The following ATXN7 variants were observed in gnomAD, a reference collection of about 807,000 sequenced individuals.
ATXN7 encodes the protein ataxin-7.
Under a neutral mutation model 70.5 loss-of-function variants are expected in ATXN7, and 12 were observed. The ratio of observed to expected loss-of-function variants is 0.17; its 90% confidence interval spans 0.11 to 0.28. The LOEUF (loss-of-function observed/expected upper bound fraction) is 0.28. ATXN7 is among the 10% of genes least tolerant of loss of function. The pLI, the probability that ATXN7 is intolerant of heterozygous loss-of-function variation, is 1.00. For synonymous variants in ATXN7, 498 were observed against 448.7 expected (o/e 1.11, Z -1.39); for missense variants, 1,256 against 1,131.7 (o/e 1.11, Z -1.58).
intron 6 of ATXN7, among the ~76,000 whole-genome samples, chr3:63,981,365 G>A (rs1388555226): frequency 6.6e-6 from 1 of 152,212 alleles, no homozygotes; most frequent in Non-Finnish European, 1.5e-5. Flanking sequence ...TAAGTCACTG[G>A]CCAGCTTAAC....
At chr3:63,884,333 G>T (rs1180684506) in intron 1 of ATXN7, among the ~76,000 whole-genome samples, 1 of 151,796 alleles carries the variant, frequency 6.6e-6, no homozygotes, top group Non-Finnish European at 1.5e-5. Flanking sequence ...AACTGAAAGA[G>T]CTCCCAAAGG....
At chr3:63,921,226 C>G (rs952921529) in intron 4 of ATXN7, among the ~76,000 whole-genome samples, 6 of 152,140 alleles carry the variant, frequency 3.9e-5, no homozygotes, top group South Asian at 2.1e-4. Context: ...AGCACTAGTT[C>G]ATTATCAATT....
chr3:63,970,066 T>C lies in ATXN7; in HGVS notation c.500-9849T>C, dbSNP rs369107873. Among the ~76,000 whole-genome samples, 10 of 152,318 alleles carry C rather than the reference T, an allele frequency of 6.6e-5. 1 individual carries two copies. The South Asian group carries it at 2.1e-3, about 32-fold the overall frequency. ...TGGGTAACACCGTGCTCTCTGAGGA[T>C]AGCAGAGAGAAGTCCTTATGGCTGT... On this transcript the variant is annotated intron_variant, in intron 5 of 12. Transcript: ENST00000674280.
At chr3:63,997,984 A>C in intron 12 of ATXN7, 1 of 985,294 alleles carries the variant, frequency 1.0e-6, no homozygotes, top group Non-Finnish European at 1.2e-6. Context: ...GTTTGTAGTT[A>C]CTCATTACAG....
chr3:64,001,334 G>C lies in ATXN7; in HGVS notation c.*1867G>C, dbSNP rs2075831075. The C allele has an allele frequency of 6.6e-6, 1 of 152,164 alleles. No homozygotes were observed. The highest frequency in any genetic ancestry group is 2.4e-5 in the African/African-American group (1 of 41,446). 9.4% of individuals were successfully genotyped at this position (152,164 alleles called of 1,614,324 possible). A position where few individuals can be genotyped will look rare whatever the true frequency, so the allele number is the denominator to read the frequency against. On this transcript the variant is annotated 3_prime_UTR_variant, in exon 13 of 13. Transcript: ENST00000674280. ...GGAGAGCTTAGTAAGGAGAGGGCAT[G>C]GATGGGCCAGTTTGGCATAGTTGGG...
rs148863609 is a variant in ATXN7, at chr3:64,002,703, G to T, written c.*3236G>T. Reference sequence around the variant, plus strand: ...ATATTGTTTCTAAAATTTTAGGGGCGGAGTTGAAAACCACCAATGCTGGTA... The same window carrying T: ...ATATTGTTTCTAAAATTTTAGGGGCTGAGTTGAAAACCACCAATGCTGGTA... On this transcript the variant is annotated 3_prime_UTR_variant, in exon 13 of 13. Transcript: ENST00000674280. The T allele has an allele frequency of 6.6e-6, 1 of 152,050 alleles. No homozygotes were observed. The highest frequency in any genetic ancestry group is 2.4e-5 in the African/African-American group (1 of 41,372). The allele number at this position is 152,050 out of a possible 1,614,324, so 9.4% of individuals were successfully genotyped here.
intron 4 of ATXN7, among the ~76,000 whole-genome samples, chr3:63,943,300 G>T (rs2074801126): frequency 6.6e-6 from 1 of 152,322 alleles, no homozygotes; most frequent in Middle Eastern, 3.4e-3. Context: ...TGAGGTTGCC[G>T]ATGTTAGGCA....
chr3:63,886,409 C>A (rs1210400745), intron 1 of ATXN7, among the ~76,000 whole-genome samples: 2 of 151,970 alleles, frequency 1.3e-5, no homozygotes, highest in East Asian at 3.9e-4. Flanking sequence ...TGTTCTCACC[C>A]CCCAAAAGAT....
intron 1 of ATXN7, among the ~76,000 whole-genome samples, chr3:63,875,999 T>A (rs140394911): frequency 1.3e-5 from 2 of 152,336 alleles, no homozygotes; most frequent in African/African-American, 4.8e-5. Context: ...AGTTTTAAAG[T>A]TGTCTTTTTC....
At chr3:63,885,097 A>G (rs192859797) in intron 1 of ATXN7, among the ~76,000 whole-genome samples, 55 of 152,308 alleles carry the variant, frequency 3.6e-4, no homozygotes, top group Admixed American at 9.2e-4. Flanking sequence ...AGCACAGGTA[A>G]CCAAAAAATA....
intron 11 of ATXN7, among the ~76,000 whole-genome samples, chr3:63,992,715 G>A (rs182154363): frequency 1.1e-4 from 17 of 152,198 alleles, no homozygotes; most frequent in Admixed American, 2.6e-4. Flanking sequence ...ACTTGCTTCC[G>A]GGGAGAAGGA....
At position 63,993,319 on chromosome 3, in the gene ATXN7, A is replaced by G. The variant is rs149307150; in HGVS notation, c.1683-2186A>G. Among the ~76,000 whole-genome samples the G allele has an allele frequency of 2.8e-3, 401 of 144,550 alleles. 1 individual carries two copies. Among genetic ancestry groups the G allele is most frequent in the African/African-American group, 1.0e-2 (383 of 38,406 alleles). The allele number at this position is 144,550 out of a possible 152,430, so 94.8% of individuals were successfully genotyped here. A position where few individuals can be genotyped will look rare whatever the true frequency, so the allele number is the denominator to read the frequency against. ...TTTTACTTTTTGAAATGGTAATACA[A>G]TCACTGGGCTTAAAAAAGGAAAACC... On this transcript the variant is annotated intron_variant, in intron 11 of 12. Transcript: ENST00000674280.
At chr3:63,889,318 C>G (rs1703186218) in intron 1 of ATXN7, among the ~76,000 whole-genome samples, 1 of 152,288 alleles carries the variant, frequency 6.6e-6, no homozygotes, top group East Asian at 1.9e-4. Context: ...TATTTGTACT[C>G]CATTTCATCT....
intron 4 of ATXN7, among the ~76,000 whole-genome samples, chr3:63,916,136 C>T (rs182189461): frequency 3.9e-5 from 6 of 152,312 alleles, no homozygotes; most frequent in Non-Finnish European, 8.8e-5. Flanking sequence ...AATATACTTT[C>T]CCTCTTTGGA....
chr3:63,914,210 T>A (rs147135446), intron 4 of ATXN7, among the ~76,000 whole-genome samples: 1 of 152,348 alleles, frequency 6.6e-6, no homozygotes, highest in Non-Finnish European at 1.5e-5. Flanking sequence ...AACTGGAACA[T>A]TTTTAAGTCC....
At chr3:63,918,469 GAA>G (rs1704375616) in intron 4 of ATXN7, among the ~76,000 whole-genome samples, 1 of 152,156 alleles carries the variant, frequency 6.6e-6, no homozygotes, top group South Asian at 2.1e-4. Flanking sequence ...ACAAAGTAGA[GAA>G]AATATTTTAA....
chr3:63,981,969 A>C (rs572163459), intron 6 of ATXN7, among the ~76,000 whole-genome samples: 6 of 152,288 alleles, frequency 3.9e-5, no homozygotes, highest in African/African-American at 1.4e-4. Context: ...GACCAGGCAA[A>C]TTTGATGGTC....
intron 2 of ATXN7, among the ~76,000 whole-genome samples, chr3:63,902,533 G>A (rs969680532): frequency 2.0e-5 from 3 of 152,234 alleles, no homozygotes; most frequent in Non-Finnish European, 4.4e-5. Flanking sequence ...TTGGACATGA[G>A]AAGGTGGTTT....
chr3:63,940,142 G>A (rs1392900692), intron 4 of ATXN7, among the ~76,000 whole-genome samples: 3 of 152,146 alleles, frequency 2.0e-5, no homozygotes, highest in Admixed American at 2.0e-4. Context: ...CCACATGGAT[G>A]TGTAGAGTTG....
Sources: allele counts gnomAD v4.1 joint callset (sites outside exome capture counted in the v4.1 genomes callset), GRCh38; gene constraint gnomAD v4.1.1; transcripts MANE v1.5; gene names NCBI Gene and HGNC (gene_info 2026-07-23, HGNC 2026-07-21).